CATSPERG: variants seen among roughly 807,000 people sequenced by gnomAD.
CATSPERG encodes the protein catsper channel auxiliary subunit gamma, also known as cation channel sperm-associated auxiliary subunit gamma.
Under a neutral mutation model 145.0 loss-of-function variants are expected in CATSPERG, and 115 were observed. That is an observed-to-expected ratio of 0.79 (90% confidence interval 0.68 to 0.93). The LOEUF is 0.93. Among genes scored for constraint, CATSPERG ranks in the 40% least tolerant of loss-of-function variants. CATSPERG has a pLI of 0.00. For synonymous variants in CATSPERG, 588 were observed against 589.0 expected, an observed-to-expected ratio of 1.00 and a Z score of 0.02; for missense variants, 1,296 against 1,490.1, an observed-to-expected ratio of 0.87 and a Z score of 2.14.
chr19:38,370,158 G>A lies in CATSPERG; in HGVS notation c.3114-1G>A, dbSNP rs1970521231. On this transcript the variant is annotated splice_acceptor_variant, in intron 27 of 28. Transcript: ENST00000409235. LOFTEE classifies it high-confidence loss of function. The stretch of plus-strand genomic sequence containing the variant: ...CCTGGATCCCCTCCCAACCCCTGCA[G>A]AGGAGTGGACACGAGCACCTACTGC... The A allele has an allele frequency of 6.2e-7, 1 of 1,613,802 alleles. No homozygotes were observed. The highest frequency in any genetic ancestry group is 1.7e-5 in the Admixed American group (1 of 60,002).
At chr19:38,360,194 G>A (rs1343666244) in intron 14 of CATSPERG, 3 of 985,256 alleles carry the variant, frequency 3.0e-6, no homozygotes, top group Non-Finnish European at 3.6e-6. Flanking sequence ...GTGGCTGTTA[G>A]GGAGTGTGTG....
Position 38,356,778 on chromosome 19 carries a change from C to A in CATSPERG, c.1232C>A (p.Ala411Glu). The change falls in exon 11 of 29, where the codon GCG becomes GAG. Residue 411 changes from alanine to glutamate, a missense_variant. By Grantham distance (107) the Ala-to-Glu change is moderately radical (BLOSUM62 -1). Coordinates refer to ENST00000409235, the MANE Select transcript of CATSPERG (RefSeq NM_021185.5). ...TCCATAATTTGGTCTGAATACATCGCGGGTGAGTATACTCTACTGCTGCTG... is the reference window on the plus strand; with the variant it reads ...TCCATAATTTGGTCTGAATACATCGAGGGTGAGTATACTCTACTGCTGCTG... ...TCSIIWSEYI[A>E]GEYTLLLLVE... The A allele has an allele frequency of 6.2e-7, 1 of 1,614,112 alleles. No homozygotes were observed. The highest frequency in any genetic ancestry group is 8.5e-7 in the Non-Finnish European group (1 of 1,180,016).
chr19:38,360,456 T>C, intron 14 of CATSPERG, 33 bp from the exon 15 acceptor site: 1 of 1,612,554 alleles, frequency 6.2e-7, no homozygotes, highest in Non-Finnish European at 8.5e-7. Context: ...CCCATGGTCC[T>C]GACACACACA....
chr19:38,364,135 G>T (rs1970404588), intron 20 of CATSPERG, among the ~76,000 whole-genome samples: 1 of 151,670 alleles, frequency 6.6e-6, no homozygotes, highest in South Asian at 2.1e-4. Context: ...GGCTGGCCTG[G>T]CGGGGGCTGA....
At chr19:38,344,412 A>C in intron 6 of CATSPERG, 44 bp downstream of exon 6, 2 of 1,506,642 alleles carry the variant, frequency 1.3e-6, no homozygotes, top group Non-Finnish European at 1.8e-6. Context: ...TCTGGGCCTT[A>C]GGCTGACGCC....
intron 17 of CATSPERG, 155 bp from the exon 18 acceptor site, chr19:38,362,055 G>A: frequency 2.0e-6 from 2 of 997,102 alleles, no homozygotes; most frequent in Non-Finnish European, 1.5e-6. Flanking sequence ...GTGTGGCCGG[G>A]TTGAAAGCAG....
chr19:38,360,409 A>T, intron 14 of CATSPERG, 80 bp from the exon 15 acceptor site: 2 of 1,571,892 alleles, frequency 1.3e-6, no homozygotes. Flanking sequence ...CAATGGGGCC[A>T]CCACACTGGG....
intron 1 of CATSPERG, 58 bp downstream of exon 1, chr19:38,335,933 G>A (rs1969825681): frequency 7.5e-6 from 2 of 266,138 alleles, no homozygotes; most frequent in South Asian, 3.0e-5. Flanking sequence ...TGCCGGGGAC[G>A]GGGAGGAACT....
intron 6 of CATSPERG, among the ~76,000 whole-genome samples, chr19:38,345,784 T>C (rs894076314): frequency 6.6e-6 from 1 of 152,010 alleles, no homozygotes; most frequent in Admixed American, 6.6e-5. Context: ...AGTGCTGGGA[T>C]TACAGGCATG....
In CATSPERG at chr19:38,362,364, C is replaced by A. The variant is rs1225355296; in HGVS notation, c.2158-12C>A. 1.9e-6 allele frequency: 3 copies of A among 1,614,118 alleles called. No individual in the cohort carries two copies. The highest frequency in any genetic ancestry group is 2.5e-6 in the Non-Finnish European group (3 of 1,179,972). On this transcript the variant is annotated splice_polypyrimidine_tract_variant and intron_variant, in intron 18 of 28. Coordinates refer to ENST00000409235, the MANE Select transcript of CATSPERG (RefSeq NM_021185.5). The stretch of plus-strand genomic sequence containing the variant: ...CCGGCGCTGACTCTGCCCCGCGCAT[C>A]CGGTACCCCAGGATTACTACTTCTT...
Position 38,359,599 on chromosome 19 carries a change from T to G in CATSPERG, c.1608+18T>G. On this transcript the variant is annotated intron_variant, in intron 14 of 28. Coordinates refer to ENST00000409235, the MANE Select transcript of CATSPERG (RefSeq NM_021185.5). ...CGGAGGAGGTGGGCTGCCCCGCCCCTCTCCCCGTTCCCTCTCTGCCCACCC... is the reference window on the plus strand; with the variant it reads ...CGGAGGAGGTGGGCTGCCCCGCCCCGCTCCCCGTTCCCTCTCTGCCCACCC... The G allele has an allele frequency of 6.7e-7, 1 of 1,497,756 alleles. No individual in the cohort carries two copies. The highest frequency in any genetic ancestry group is 9.2e-7 in the Non-Finnish European group (1 of 1,090,782). The allele number at this position is 1,497,756 out of a possible 1,614,324, so 92.8% of individuals were successfully genotyped here.
rs151013830 is a variant in CATSPERG, at chr19:38,353,974, G to C, written c.998-736G>C. Among the ~76,000 whole-genome samples, 559 of 109,764 alleles carry C rather than the reference G, an allele frequency of 5.1e-3. 5 individuals are homozygous for C. The highest frequency in any genetic ancestry group is 0.018 in the African/African-American group (521 of 28,430). 72.0% of individuals were successfully genotyped at this position (109,764 alleles called of 152,430 possible). The stretch of plus-strand genomic sequence containing the variant: ...CCACTGCACTCCAGCCTGGGCGACA[G>C]AGTAAGACTCTGTCTCAAAAAAAAA... On this transcript the variant is annotated intron_variant, in intron 8 of 28. Coordinates refer to ENST00000409235, the MANE Select transcript of CATSPERG (RefSeq NM_021185.5).
Position 38,361,650 on chromosome 19 carries a change from G to T in CATSPERG, c.1883G>T (p.Gly628Val). ...CTTTCCCCCTTGCCACTGCCCAGGG[G>T]CTACTTGATGCTCTCCTTCATCGAC... The part of the protein sequence containing the change: ...TSHYDLERKG[G>V]YLMLSFIDFC... The change falls in exon 17 of 29, where the codon GGC becomes GTC. Residue 628 changes from glycine to valine, a missense_variant and splice_region_variant. By Grantham distance (109) the Gly-to-Val change is moderately radical (BLOSUM62 -3). Transcript: ENST00000409235. The T allele has an allele frequency of 6.2e-7, 1 of 1,609,330 alleles. No homozygotes were observed.
Position 38,343,990 on chromosome 19 carries a change from C to T in CATSPERG, c.470-3C>T. 1.3e-6 allele frequency: 2 copies of T among 1,549,880 alleles called. No individual in the cohort carries two copies. The highest frequency in any genetic ancestry group is 1.7e-6 in the Non-Finnish European group (2 of 1,146,808). On this transcript the variant is annotated splice_polypyrimidine_tract_variant and splice_region_variant and intron_variant, in intron 4 of 28. Coordinates refer to ENST00000409235, the MANE Select transcript of CATSPERG (RefSeq NM_021185.5). ...AGTTTCAGTGCCCAGGGCCTCCCTG[C>T]AGAGCCATGCATGGCAGAAGAAGTG... is the stretch of plus-strand genomic sequence containing the variant.
intron 6 of CATSPERG, 141 bp downstream of exon 6, chr19:38,344,509 C>A: frequency 1.4e-6 from 1 of 734,104 alleles, no homozygotes; most frequent in Non-Finnish European, 2.4e-6. Flanking sequence ...ATTAATCTCC[C>A]CAGTGACCTG....
At chr19:38,344,420 G>A (rs146759960) in intron 6 of CATSPERG, 52 bp downstream of exon 6, 94 of 1,477,602 alleles carry the variant, frequency 6.4e-5, no homozygotes, top group African/African-American at 1.7e-4. Context: ...TTAGGCTGAC[G>A]CCCTGGTTAC....
intron 17 of CATSPERG, 108 bp from the exon 18 acceptor site, chr19:38,362,102 T>C: frequency 7.9e-7 from 1 of 1,270,990 alleles, no homozygotes; most frequent in African/African-American, 1.5e-5. Flanking sequence ...TCTTCTGCTC[T>C]GGGTTGGGGG....
intron 12 of CATSPERG, 51 bp downstream of exon 12, chr19:38,358,379 G>C: frequency 6.2e-7 from 1 of 1,614,106 alleles, no homozygotes; most frequent in African/African-American, 1.3e-5. Flanking sequence ...GCCAGGAGGG[G>C]CCCAGGTGAC....
rs762455201 is a variant in CATSPERG, at chr19:38,364,989, AG to A, written c.2556+22del. 1 of 1,613,628 alleles carries A rather than the reference AG, an allele frequency of 6.2e-7. No individual in the cohort carries two copies. Among genetic ancestry groups the A allele is most frequent in the Non-Finnish European group, 8.5e-7 (1 of 1,179,536 alleles). On this transcript the variant is annotated intron_variant, in intron 21 of 28. Transcript: ENST00000409235. ...CGGTCAATGTGAGGTCCAAGCCTGG[AG>A]GGGAGGGTGCAGGATGGTGGGAAAG...
Sources: gnomAD v4.1 joint callset for allele counts (sites outside exome capture counted in the v4.1 genomes callset) on GRCh38, gnomAD v4.1.1 for gene constraint, MANE v1.5 for transcripts, NCBI Gene and HGNC (gene_info 2026-07-23, HGNC 2026-07-21) for gene names.